MAML2: variants seen among roughly 807,000 people sequenced by gnomAD.
MAML2 encodes mastermind like transcriptional coactivator 2.
In MAML2, 22 loss-of-function variants were observed where a neutral mutation model predicts 96.1. That is an observed-to-expected ratio of 0.23 (90% CI 0.16 to 0.33). The LOEUF is 0.33. Ranked by LOEUF, MAML2 falls within the 10% of genes least tolerant of loss-of-function variation. MAML2 has a pLI of 1.00. For synonymous variants in MAML2, 561 were observed against 521.3 expected, an observed-to-expected ratio of 1.08 and a Z score of -1.04; for missense variants, 1,367 against 1,392.4, an observed-to-expected ratio of 0.98 and a Z score of 0.29.
chr11:96,227,077 CG>C (rs1324757311), intron 1 of MAML2, among the ~76,000 whole-genome samples: 1 of 152,116 alleles, frequency 6.6e-6, no homozygotes, highest in Non-Finnish European at 1.5e-5. Flanking sequence ...TCTCCTACCT[CG>C]GGGCCCTTGT....
chr11:96,121,780 ATTTTTTTTTTTTT>A (rs543373689), intron 1 of MAML2, among the ~76,000 whole-genome samples: 1 of 35,238 alleles, frequency 2.8e-5, no homozygotes, highest in East Asian at 1.1e-3. Context: ...CAACTGCGTG[ATTTTTTTTTTTTT>A]TTTTTTTTTT....
chr11:96,236,734 G>T (rs1240413411), intron 1 of MAML2, among the ~76,000 whole-genome samples: 2 of 152,090 alleles, frequency 1.3e-5, no homozygotes, highest in African/African-American at 4.8e-5. Context: ...AATCTGGAGG[G>T]TTGATAATAA....
At chr11:96,240,580 A>AAAAAAAAAAAAAAAAAAAAAG in intron 1 of MAML2, among the ~76,000 whole-genome samples, 2 of 147,992 alleles carry the variant, frequency 1.4e-5, no homozygotes, top group Admixed American at 6.8e-5. Flanking sequence ...AAAAAAAAAA[A>AAAAAAAAAAAAAAAAAAAAAG]AAAGAAAGCT....
rs1296520257 is a variant in MAML2 at position 96,341,375 on chromosome 11, G to A, written c.513+8C>T. ...ACAGCCAGAACCATGAGAAAGCCAG[G>A]TGCTTACCGCAATCAGGGCTGAGTT... On this transcript the variant is annotated splice_region_variant and intron_variant, in intron 1 of 4. Coordinates refer to ENST00000524717, the MANE Select transcript of MAML2 (RefSeq NM_032427.4). The A allele has an allele frequency of 6.6e-7, 1 of 1,508,506 alleles. No individual in the cohort carries two copies. The highest frequency in any genetic ancestry group is 8.9e-7 in the Non-Finnish European group (1 of 1,122,420). The allele number at this position is 1,508,506 out of a possible 1,614,324, so 93.4% of individuals were successfully genotyped here.
chr11:96,235,925 G>GATTTAGA (rs1257734813), intron 1 of MAML2, among the ~76,000 whole-genome samples: 7 of 152,166 alleles, frequency 4.6e-5, no homozygotes, highest in Non-Finnish European at 1.0e-4. Context: ...AGACAAGGCA[G>GATTTAGA]CACATCTGCC....
intron 2 of MAML2, among the ~76,000 whole-genome samples, chr11:96,010,566 A>G (rs1005965995): frequency 2.6e-5 from 4 of 152,196 alleles, no homozygotes; most frequent in Non-Finnish European, 5.9e-5. Flanking sequence ...TCCCTACTCA[A>G]CTTCCCTGAT....
chr11:96,041,336 C>CAAAAA (rs528688136), intron 2 of MAML2, among the ~76,000 whole-genome samples: 1 of 132,922 alleles, frequency 7.5e-6, no homozygotes. Context: ...ACTAAAAATA[C>CAAAAA]AAAAAAAAAA....
intron 1 of MAML2, among the ~76,000 whole-genome samples, chr11:96,112,445 G>A (rs1860145008): frequency 1.3e-5 from 2 of 152,388 alleles, no homozygotes; most frequent in Non-Finnish European, 2.9e-5. Context: ...AAGAACCTGT[G>A]TACATCCATT....
intron 1 of MAML2, among the ~76,000 whole-genome samples, chr11:96,314,607 G>C (rs1433626792): frequency 6.6e-6 from 1 of 152,154 alleles, no homozygotes; most frequent in South Asian, 2.1e-4. Context: ...AACTCCTTCT[G>C]CTAAGATAAC....
rs573128747 is a variant in MAML2, at chr11:95,978,600, C to T, written c.*348G>A. 2.7e-4 allele frequency: 74 copies of T among 270,486 alleles called. No homozygotes were observed. The highest frequency in any genetic ancestry group is 4.8e-4 in the Non-Finnish European group (69 of 143,466). 16.8% of individuals were successfully genotyped at this position (270,486 alleles called of 1,614,324 possible). A position where few individuals can be genotyped will look rare whatever the true frequency, so the allele number is the denominator to read the frequency against. Reference sequence around the variant, plus strand: ...CCTCATGACATGGGGTTTAAATAAACTACAAGTTCTATTACCTTTTTTATT... The same window carrying T: ...CCTCATGACATGGGGTTTAAATAAATTACAAGTTCTATTACCTTTTTTATT... On this transcript the variant is annotated 3_prime_UTR_variant, in exon 5 of 5. Transcript: ENST00000524717.
At chr11:96,002,691 G>GGATGATGAAGATAATGATGGGGATAAT (rs1858103179) in intron 2 of MAML2, among the ~76,000 whole-genome samples, 1 of 70,746 alleles carries the variant, frequency 1.4e-5, no homozygotes, top group Admixed American at 1.6e-4. Context: ...GGGATGGTGG[G>GGATGATGAAGATAATGATGGGGATAAT]GAGCATGATG....
intron 1 of MAML2, among the ~76,000 whole-genome samples, chr11:96,148,857 T>C (rs117183036): frequency 6.6e-6 from 1 of 152,178 alleles, no homozygotes; most frequent in Non-Finnish European, 1.5e-5. Context: ...AAGCTTTAAG[T>C]CCATCTACAT....
chr11:96,016,829 G>C (rs1179827494), intron 2 of MAML2, among the ~76,000 whole-genome samples: 1 of 152,092 alleles, frequency 6.6e-6, no homozygotes, highest in African/African-American at 2.4e-5. Context: ...TCTAATCTGA[G>C]ACTTTTTTGA....
chr11:96,092,738 G>T lies in MAML2; in HGVS notation c.1293C>A (p.Ser431=). The T allele has an allele frequency of 6.2e-7, 1 of 1,613,932 alleles. No individual in the cohort carries two copies. The highest frequency in any genetic ancestry group is 8.5e-7 in the Non-Finnish European group (1 of 1,179,884). ...CTATCTGTTTGAGCTGCTGGGCATG[G>T]GATACTTCCTGCCAGCTTGGCAAGG... ...SRALPSWQEV[S]HAQQLKQIAA... Residue 431 remains serine (S), a synonymous_variant, in exon 2 of 5, where the codon TCC becomes TCA. Coordinates refer to ENST00000524717, the MANE Select transcript of MAML2 (RefSeq NM_032427.4). The surrounding 1 kb of genome is among the most constrained non-coding windows in gnomAD (Gnocchi z 4.1).
At position 96,331,171 on chromosome 11, in the gene MAML2, T is replaced by TG. The variant is rs887060510; in HGVS notation, c.513+10211dup. Among the ~76,000 whole-genome samples the TG allele has an allele frequency of 4.2e-4, 64 of 152,082 alleles. No individual in the cohort carries two copies. In the East Asian group the frequency reaches 6.4e-3, roughly 15 times the overall value. The stretch of plus-strand genomic sequence containing the variant: ...CTGCAGTCCCAGCTACTCAGAAGGC[T>TG]GGCGGGGAGGATCACTTGAGCCCAG... On this transcript the variant is annotated intron_variant, in intron 1 of 4. Coordinates refer to ENST00000524717, the MANE Select transcript of MAML2 (RefSeq NM_032427.4).
chr11:96,266,562 C>G (rs994196130), intron 1 of MAML2, among the ~76,000 whole-genome samples: 1 of 151,156 alleles, frequency 6.6e-6, no homozygotes, highest in Non-Finnish European at 1.5e-5. Flanking sequence ...CAGAGTGAGA[C>G]TCCGTCTCAA....
At chr11:95,999,621 AT>A (rs1053151638) in intron 2 of MAML2, among the ~76,000 whole-genome samples, 63 of 151,352 alleles carry the variant, frequency 4.2e-4, no homozygotes, top group African/African-American at 1.5e-3. Flanking sequence ...TGTTCTAGGC[AT>A]TTGGGTAAAA....
intron 1 of MAML2, among the ~76,000 whole-genome samples, chr11:96,237,358 T>C (rs1018525755): frequency 6.6e-6 from 1 of 152,238 alleles, no homozygotes; most frequent in African/African-American, 2.4e-5. Context: ...CAGCCCATGT[T>C]GATCTCTACC....
intron 2 of MAML2, among the ~76,000 whole-genome samples, chr11:96,041,108 A>T (rs1418925630): frequency 6.6e-6 from 1 of 152,058 alleles, no homozygotes; most frequent in African/African-American, 2.4e-5. Flanking sequence ...GCTATCCTAA[A>T]TATTGCTGCT....
Sources: allele counts gnomAD v4.1 joint callset (sites outside exome capture counted in the v4.1 genomes callset), GRCh38; gene constraint gnomAD v4.1.1; non-coding constraint Gnocchi (gnomAD v3.1); transcripts MANE v1.5; gene names NCBI Gene and HGNC (gene_info 2026-07-23, HGNC 2026-07-21).